The following GLI2 variants were observed in gnomAD, a reference collection of about 807,000 sequenced individuals.
The protein encoded by GLI2 is transcription activator GLI2.
GLI2 carries 22 observed loss-of-function variants against 78.9 expected under a neutral mutation model. That is an observed-to-expected ratio of 0.28 (90% CI 0.20 to 0.40). The LOEUF (loss-of-function observed/expected upper bound fraction) is 0.40. Among genes scored for constraint, GLI2 ranks in the 10% least tolerant of loss-of-function variants. The pLI, the probability that GLI2 is intolerant of heterozygous loss-of-function variation, is 1.00. For missense variants in GLI2, 2,097 were observed against 2,213.2 expected (o/e 0.95, Z 1.05); for synonymous variants, 974 against 963.7 (o/e 1.01, Z -0.20).
intron 2 of GLI2, among the ~76,000 whole-genome samples, chr2:120,843,298 A>G (rs1326656317): frequency 4.6e-5 from 7 of 152,152 alleles, no homozygotes; most frequent in Non-Finnish European, 1.0e-4. Context: ...TCACTTTCCC[A>G]AGATCCCATA....
At position 120,735,910 on chromosome 2, in the gene GLI2, G is replaced by C. The variant is rs1682332713; in HGVS notation, c.-406G>C. ...GTGCCGGCGCTTGCCAGCCGAGGCA[G>C]CACGGCTCCGCGGACTTTTTTTCAA... On this transcript the variant is annotated 5_prime_UTR_variant, in exon 1 of 14. Transcript: ENST00000361492. 6.6e-6 allele frequency among the ~76,000 whole-genome samples: 1 copy of C among 151,910 alleles called. No homozygotes were observed. Among genetic ancestry groups the C allele is most frequent in the African/African-American group, 2.4e-5 (1 of 41,376 alleles).
At chr2:120,877,071 C>A (rs1012058480) in intron 2 of GLI2, among the ~76,000 whole-genome samples, 1 of 152,220 alleles carries the variant, frequency 6.6e-6, no homozygotes, top group Non-Finnish European at 1.5e-5. Flanking sequence ...TTGGGTCAGC[C>A]GGTGATGCAT....
At chr2:120,785,844 T>C (rs112486271) in intron 1 of GLI2, among the ~76,000 whole-genome samples, 90 of 152,318 alleles carry the variant, frequency 5.9e-4, no homozygotes, top group African/African-American at 2.0e-3. Flanking sequence ...CAGTCTGGGC[T>C]GGGATAGCGA....
intron 8 of GLI2, chr2:120,972,656 C>T (rs576579605): frequency 3.5e-5 from 18 of 518,956 alleles, no homozygotes; most frequent in African/African-American, 3.3e-4. Flanking sequence ...GGGTTCCATG[C>T]CACCAGGGTT....
chr2:120,933,891 G>GCCCT (rs79494149), intron 3 of GLI2, among the ~76,000 whole-genome samples: 4 of 146,850 alleles, frequency 2.7e-5, no homozygotes, highest in East Asian at 2.0e-4. Flanking sequence ...GCCCTGCCCT[G>GCCCT]GGGCTTCAGA....
Position 120,986,561 on chromosome 2 carries a change from C to T in GLI2, c.2189C>T (p.Ala730Val), listed in dbSNP as rs1173236992. The T allele has an allele frequency of 6.2e-7, 1 of 1,614,110 alleles. No individual in the cohort carries two copies. The highest frequency in any genetic ancestry group is 1.1e-5 in the South Asian group (1 of 91,088). The change falls in exon 13 of 14, where the codon GCC becomes GTC. Residue 730 changes from alanine to valine, a missense_variant. Around this residue, in one of 5 missense-constraint regions of GLI2, gnomAD observed 1,290 missense variants for 1,261.7 expected, o/e 1.02. Coordinates refer to ENST00000361492, the MANE Select transcript of GLI2 (RefSeq NM_001374353.1). The stretch of plus-strand genomic sequence containing the variant: ...TCACTCAAGGATTCCTGCTCATGGG[C>T]CGGGCCGACTCCACACACGCGGAAC... Reference protein sequence around the residue: ...LKSLKDSCSWAGPTPHTRNTK... With the variant: ...LKSLKDSCSWVGPTPHTRNTK...
At chr2:120,845,083 G>A (rs1340783726) in intron 2 of GLI2, among the ~76,000 whole-genome samples, 4 of 152,050 alleles carry the variant, frequency 2.6e-5, no homozygotes, top group Admixed American at 1.3e-4. Context: ...GACCAGTCTG[G>A]CCAGCATGGT....
At chr2:120,803,304 A>T (rs2104709056) in intron 2 of GLI2, among the ~76,000 whole-genome samples, 1 of 152,368 alleles carries the variant, frequency 6.6e-6, no homozygotes, top group East Asian at 1.9e-4. Flanking sequence ...AATGGGCATG[A>T]TCTTGGTTGT....
chr2:120,973,514 T>G (rs1421769376), intron 8 of GLI2, among the ~76,000 whole-genome samples: 1 of 152,214 alleles, frequency 6.6e-6, no homozygotes. Flanking sequence ...GTGTCCCGAT[T>G]CACTGACCAA....
intron 2 of GLI2, among the ~76,000 whole-genome samples, chr2:120,885,340 G>A (rs943468368): frequency 3.3e-5 from 5 of 152,200 alleles, no homozygotes; most frequent in Non-Finnish European, 5.9e-5. Flanking sequence ...ACATTGCCAA[G>A]CTCACTGGGC....
chr2:120,845,647 C>T (rs944939309), intron 2 of GLI2, among the ~76,000 whole-genome samples: 5 of 152,234 alleles, frequency 3.3e-5, no homozygotes, highest in African/African-American at 1.2e-4. Flanking sequence ...GCTTCTTGTG[C>T]TGACTTGGCT....
chr2:120,803,403 T>C (rs1282005935), intron 2 of GLI2, among the ~76,000 whole-genome samples: 1 of 152,350 alleles, frequency 6.6e-6, no homozygotes, highest in East Asian at 1.9e-4. Context: ...AGTATTTGCT[T>C]TATGAACTAT....
At chr2:120,876,842 A>G (rs531719239) in intron 2 of GLI2, among the ~76,000 whole-genome samples, 87 of 152,224 alleles carry the variant, frequency 5.7e-4, no homozygotes, top group Non-Finnish European at 1.0e-3. Flanking sequence ...CACTTGCAGA[A>G]TGATGTTTAG....
At chr2:120,957,611 A>G (rs1327352287) in intron 5 of GLI2, among the ~76,000 whole-genome samples, 2 of 152,244 alleles carry the variant, frequency 1.3e-5, no homozygotes, top group Non-Finnish European at 2.9e-5. Flanking sequence ...TGGACGAGGC[A>G]GAGAAACCAC....
chr2:120,776,687 C>T (rs1174058316), intron 1 of GLI2, among the ~76,000 whole-genome samples: 1 of 152,184 alleles, frequency 6.6e-6, no homozygotes, highest in Non-Finnish European at 1.5e-5. Context: ...CAGTCCAGCC[C>T]TCCCTGTGAG....
Position 120,990,129 on chromosome 2 carries a change from C to T in GLI2, c.4164C>T (p.Ala1388=), listed in dbSNP as rs1558945274. 6.2e-7 allele frequency: 1 copy of T among 1,605,836 alleles called. No homozygotes were observed. Among genetic ancestry groups the T allele is most frequent in the Non-Finnish European group, 8.5e-7 (1 of 1,174,794 alleles). Residue 1388 remains alanine (A), a synonymous_variant, in exon 14 of 14, where the codon GCC becomes GCT. Transcript: ENST00000361492. ...GGGCCACAGGCCATGCCATGGCTGCCATGCCGTCCAGTCAGGAAACAGCAG... is the reference window on the plus strand; with the variant it reads ...GGGCCACAGGCCATGCCATGGCTGCTATGCCGTCCAGTCAGGAAACAGCAG... ...YARATGHAMA[A]MPSSQETAEA... is the part of the protein sequence containing the mutation.
At chr2:120,742,604 A>G (rs1352180963) in intron 1 of GLI2, among the ~76,000 whole-genome samples, 1 of 148,106 alleles carries the variant, frequency 6.8e-6, no homozygotes, top group Admixed American at 6.9e-5. Flanking sequence ...AGCATTATTC[A>G]TTTTCCGAGG....
intron 2 of GLI2, among the ~76,000 whole-genome samples, chr2:120,912,274 G>GTTTT (rs564285080): frequency 0.026 from 3,513 of 136,840 alleles, 182 homozygotes; most frequent in African/African-American, 0.092. Context: ...TTTGCAAGAG[G>GTTTT]TTTTTTTTTT....
Position 120,989,505 on chromosome 2 carries a change from C to A in GLI2, c.3540C>A (p.Gly1180=). 6.2e-7 allele frequency: 1 copy of A among 1,612,088 alleles called. No homozygotes were observed. Among genetic ancestry groups the A allele is most frequent in the Non-Finnish European group, 8.5e-7 (1 of 1,179,664 alleles). Residue 1180 remains glycine, a synonymous_variant, in exon 14 of 14, where the codon GGC becomes GGA. Transcript: ENST00000361492. ...SPQGLQASPG[G]LDSTQPHLQP... ...AAGGCCTACAGGCTAGCCCTGGGGG[C>A]CTGGACAGCACGCAGCCACACCTGC... is the stretch of plus-strand genomic sequence containing the variant.
Sources: allele counts gnomAD v4.1 joint callset (sites outside exome capture counted in the v4.1 genomes callset), GRCh38; gene constraint gnomAD v4.1.1; regional missense constraint gnomAD v4.1.1; transcripts MANE v1.5; gene names NCBI Gene and HGNC (gene_info 2026-07-23, HGNC 2026-07-21).